Variants in STIM1 observed in about 807,000 individuals in gnomAD.
STIM1 encodes stromal interaction molecule 1.
STIM1 carries 25 observed loss-of-function variants against 74.7 expected under a neutral mutation model. That is an observed-to-expected ratio of 0.33 (90% CI 0.24 to 0.47). The LOEUF (loss-of-function observed/expected upper bound fraction) is 0.47. STIM1 is among the 20% of genes least tolerant of loss of function. The pLI is 1.00. For missense variants in STIM1, 728 were observed against 920.8 expected (o/e 0.79, Z 2.71); for synonymous variants, 328 against 348.8 (o/e 0.94, Z 0.66).
At chr11:4,055,682 G>A in intron 4 of STIM1, 45 bp downstream of exon 4, 1 of 1,429,950 alleles carries the variant, frequency 7.0e-7, no homozygotes, top group Non-Finnish European at 9.6e-7. Flanking sequence ...TACGGGGAAT[G>A]GGCTGGAGTG....
chr11:3,989,475 G>T, intron 2 of STIM1: 1 of 670,420 alleles, frequency 1.5e-6, no homozygotes, highest in East Asian at 2.9e-5. Context: ...TGGCGGCGTG[G>T]AGGGTGCGTG....
chr11:4,009,930 A>G (rs1296200342), intron 2 of STIM1, among the ~76,000 whole-genome samples: 1 of 152,116 alleles, frequency 6.6e-6, no homozygotes, highest in Non-Finnish European at 1.5e-5. Flanking sequence ...CTCTCACCTC[A>G]GCCTCCCAAG....
chr11:3,922,142 T>C (rs1015798173), intron 1 of STIM1, among the ~76,000 whole-genome samples: 5 of 152,194 alleles, frequency 3.3e-5, no homozygotes, highest in African/African-American at 1.2e-4. Flanking sequence ...ACAAGCAGAA[T>C]ATGAGAATTC....
intron 2 of STIM1, among the ~76,000 whole-genome samples, chr11:3,971,337 G>A (rs1444906824): frequency 6.6e-6 from 1 of 151,790 alleles, no homozygotes; most frequent in Non-Finnish European, 1.5e-5. Context: ...AGACCATCCT[G>A]GCTAACACGG....
rs530064235 is a variant in STIM1, at chr11:3,938,672, C to T, written c.140-28880C>T. On this transcript the variant is annotated intron_variant, in intron 1 of 12. Transcript: ENST00000526596. ...GACCAGCCTGGCCAACATGGAGAAGCCCTGTCTCTACTAAAAATATAAAAA... is the reference window on the plus strand; with the variant it reads ...GACCAGCCTGGCCAACATGGAGAAGTCCTGTCTCTACTAAAAATATAAAAA... 4.6e-5 allele frequency among the ~76,000 whole-genome samples: 7 copies of T among 152,230 alleles called. No individual in the cohort carries two copies. In the East Asian group the frequency reaches 1.2e-3, roughly 25 times the overall value.
At chr11:3,901,909 A>G (rs2092359136) in intron 1 of STIM1, among the ~76,000 whole-genome samples, 1 of 152,166 alleles carries the variant, frequency 6.6e-6, no homozygotes, top group Non-Finnish European at 1.5e-5. Context: ...CTGAAACTAC[A>G]GGCACGTGCC....
intron 12 of STIM1, among the ~76,000 whole-genome samples, chr11:4,087,870 G>A (rs2094502711): frequency 6.6e-6 from 1 of 150,660 alleles, no homozygotes; most frequent in Non-Finnish European, 1.5e-5. Context: ...CATGGAATTC[G>A]GGAACCAAGA....
At chr11:4,031,107 G>T (rs922269305) in intron 3 of STIM1, among the ~76,000 whole-genome samples, 1 of 152,106 alleles carries the variant, frequency 6.6e-6, no homozygotes, top group Non-Finnish European at 1.5e-5. Flanking sequence ...AGATTAGTTT[G>T]CATTTGCTAC....
At chr11:3,972,170 G>C (rs1457791174) in intron 2 of STIM1, among the ~76,000 whole-genome samples, 2 of 152,138 alleles carry the variant, frequency 1.3e-5, no homozygotes, top group Non-Finnish European at 2.9e-5. Context: ...AAGTCTGAAG[G>C]GGTGCTCTAT....
chr11:3,880,639 A>C (rs2135319249), intron 1 of STIM1, among the ~76,000 whole-genome samples: 1 of 151,990 alleles, frequency 6.6e-6, no homozygotes, highest in Non-Finnish European at 1.5e-5. Context: ...ATACTTCCCT[A>C]CTCTTCCTAA....
At position 3,855,817 on chromosome 11, in the gene STIM1, A is replaced by T; in HGVS notation, c.-454A>T. ...GCGCCCTCAGGACCCTGCGGGTCGC[A>T]CGCCCTCCCCAGCTTCTGCTGCTCG... On this transcript the variant is annotated 5_prime_UTR_variant, in exon 1 of 13. Coordinates refer to ENST00000526596, the MANE Select transcript of STIM1 (RefSeq NM_001382567.1). 5.0e-6 allele frequency: 1 copy of T among 198,186 alleles called. No individual in the cohort carries two copies. Among genetic ancestry groups the T allele is most frequent in the Admixed American group, 5.4e-5 (1 of 18,496 alleles). The allele number at this position is 198,186 out of a possible 1,614,324, so 12.3% of individuals were successfully genotyped here. A position where few individuals can be genotyped will look rare whatever the true frequency, so the allele number is the denominator to read the frequency against.
chr11:3,884,438 A>T (rs1212144501), intron 1 of STIM1, among the ~76,000 whole-genome samples: 1 of 152,140 alleles, frequency 6.6e-6, no homozygotes, highest in East Asian at 1.9e-4. Context: ...GACAAAAGGA[A>T]CTGGTTTCTG....
At chr11:4,038,145 G>C (rs1051159571) in intron 3 of STIM1, among the ~76,000 whole-genome samples, 1 of 150,712 alleles carries the variant, frequency 6.6e-6, no homozygotes, top group Non-Finnish European at 1.5e-5. Flanking sequence ...AGAGATTCTC[G>C]TGCCCCAGCC....
At chr11:4,055,939 C>T (rs1223967913) in intron 4 of STIM1, among the ~76,000 whole-genome samples, 1 of 152,166 alleles carries the variant, frequency 6.6e-6, no homozygotes, top group East Asian at 1.9e-4. Flanking sequence ...TCATTTAATT[C>T]TTACATCAGT....
At chr11:4,018,469 A>AC (rs2093922566) in intron 2 of STIM1, among the ~76,000 whole-genome samples, 1 of 143,362 alleles carries the variant, frequency 7.0e-6, no homozygotes, top group Non-Finnish European at 1.5e-5. Flanking sequence ...AAAAAAAAAA[A>AC]AAAAAAAAAA....
chr11:3,933,612 G>A (rs1457585586), intron 1 of STIM1, among the ~76,000 whole-genome samples: 1 of 152,054 alleles, frequency 6.6e-6, no homozygotes, highest in Non-Finnish European at 1.5e-5. Flanking sequence ...GCCTCCCTGT[G>A]TCAGTAATCT....
At chr11:4,005,790 A>G (rs573459496) in intron 2 of STIM1, among the ~76,000 whole-genome samples, 89 of 152,252 alleles carry the variant, frequency 5.8e-4, no homozygotes, top group African/African-American at 2.0e-3. Flanking sequence ...CAGAAAAGAG[A>G]CTAGACGTAC....
chr11:4,070,493 C>A (rs945836711), intron 6 of STIM1, among the ~76,000 whole-genome samples: 4 of 152,190 alleles, frequency 2.6e-5, no homozygotes, highest in Non-Finnish European at 2.9e-5. Context: ...GTTATGGGGT[C>A]ATTCTTCCTT....
chr11:3,996,376 C>T (rs2093663257), intron 2 of STIM1, among the ~76,000 whole-genome samples: 3 of 152,166 alleles, frequency 2.0e-5, no homozygotes, highest in Non-Finnish European at 2.9e-5. Context: ...TTCTTAGTGG[C>T]ACTGCATCCA....
Sources: gnomAD v4.1 joint callset for allele counts (sites outside exome capture counted in the v4.1 genomes callset) on GRCh38, gnomAD v4.1.1 for gene constraint, MANE v1.5 for transcripts, NCBI Gene and HGNC (gene_info 2026-07-23, HGNC 2026-07-21) for gene names.